NUP98: variants seen among roughly 807,000 people sequenced by gnomAD.
NUP98 encodes nuclear pore complex protein Nup98-Nup96.
Under a neutral mutation model 191.9 loss-of-function variants are expected in NUP98, and 26 were observed. The ratio of observed to expected loss-of-function variants is 0.14; its 90% CI spans 0.10 to 0.19. NUP98 has a LOEUF of 0.19. Ranked by LOEUF, NUP98 falls within the 10% of genes least tolerant of loss-of-function variation. The probability of loss-of-function intolerance (pLI) is 1.00; values close to 1 mark genes in which losing one functional copy is unlikely to be tolerated. For synonymous variants in NUP98, 808 were observed against 778.4 expected, an observed-to-expected ratio of 1.04 and a Z score of -0.63; for missense variants, 1,941 against 2,178.8, an observed-to-expected ratio of 0.89 and a Z score of 2.17.
intron 18 of NUP98, among the ~76,000 whole-genome samples, chr11:3,718,785 T>C (rs2079280414): frequency 6.6e-6 from 1 of 152,056 alleles, no homozygotes; most frequent in African/African-American, 2.4e-5. Flanking sequence ...TAAAGCAAAA[T>C]ACTATTAAAA....
intron 11 of NUP98, among the ~76,000 whole-genome samples, chr11:3,752,930 T>C (rs2080818276): frequency 6.6e-6 from 1 of 152,202 alleles, no homozygotes; most frequent in Non-Finnish European, 1.5e-5. Context: ...TACATCAGCA[T>C]GTGCTCTTAT....
At chr11:3,781,979 T>C in intron 2 of NUP98, 63 bp downstream of exon 2, 1 of 1,063,668 alleles carries the variant, frequency 9.4e-7, no homozygotes, top group Non-Finnish European at 1.4e-6. Flanking sequence ...CTTATCAGAG[T>C]GGATTTGTTC....
intron 19 of NUP98, among the ~76,000 whole-genome samples, 176 bp from the exon 20 acceptor site, chr11:3,712,904 GATGT>G (rs1462427259): frequency 6.6e-6 from 1 of 152,168 alleles, no homozygotes; most frequent in Non-Finnish European, 1.5e-5. Flanking sequence ...GAAGACGTTT[GATGT>G]ATGCTCTAGT....
At chr11:3,684,476 C>G (rs1433304541) in intron 29 of NUP98, among the ~76,000 whole-genome samples, 6 of 151,982 alleles carry the variant, frequency 3.9e-5, no homozygotes, top group Non-Finnish European at 8.8e-5. Flanking sequence ...TTTTTATATT[C>G]TTTTTCAGGA....
chr11:3,689,948 T>A (rs1285689869), intron 28 of NUP98, among the ~76,000 whole-genome samples: 1 of 145,064 alleles, frequency 6.9e-6, no homozygotes, highest in Non-Finnish European at 1.5e-5. Flanking sequence ...GCATTTTTTT[T>A]TTTTTTTTTT....
rs55821497 is a variant in NUP98, at chr11:3,720,832, C to CAAAAAAAAAAAAAAAAAAAA, written c.2147-8_2147-7insTTTTTTTTTTTTTTTTTTTT. The CAAAAAAAAAAAAAAAAAAAA allele has an allele frequency of 2.9e-5, 11 of 376,220 alleles. No homozygotes were observed. Among genetic ancestry groups the CAAAAAAAAAAAAAAAAAAAA allele is most frequent in the South Asian group, 1.8e-4 (4 of 22,216 alleles). The allele number at this position is 376,220 out of a possible 1,614,324, so 23.3% of individuals were successfully genotyped here. The stretch of plus-strand genomic sequence containing the variant: ...ACCTTAGTGAGAATAATACCTGTGA[C>CAAAAAAAAAAAAAAAAAAAA]AAAAAAAAAAAAAAAAACAGAAAAA... On this transcript the variant is annotated splice_polypyrimidine_tract_variant and splice_region_variant and intron_variant, in intron 16 of 32. Coordinates refer to ENST00000324932, the MANE Select transcript of NUP98 (RefSeq NM_016320.5).
chr11:3,789,888 G>A (rs376448156), intron 1 of NUP98, among the ~76,000 whole-genome samples: 20 of 152,112 alleles, frequency 1.3e-4, no homozygotes, highest in Non-Finnish European at 2.1e-4. Flanking sequence ...GGGTTCAAGC[G>A]ATTTCCCTGC....
chr11:3,683,174 CAGG>C lies in NUP98; in HGVS notation c.4918+23_4918+25del, dbSNP rs763058851. The C allele has an allele frequency of 5.0e-6, 8 of 1,612,922 alleles. No individual in the cohort carries two copies. In the African/African-American group the frequency reaches 9.3e-5, roughly 19 times the overall value. On this transcript the variant is annotated intron_variant, in intron 30 of 32. Coordinates refer to ENST00000324932, the MANE Select transcript of NUP98 (RefSeq NM_016320.5). ...AGGTTGGAGGAATTTGGGGTGATTC[CAGG>C]AGATGTGGAACCCAGCACTCACCAG...
chr11:3,796,676 G>A (rs1256132053), intron 1 of NUP98, among the ~76,000 whole-genome samples: 1 of 152,212 alleles, frequency 6.6e-6, no homozygotes, highest in East Asian at 1.9e-4. Context: ...GGAGGGTGAG[G>A]TAGTAGAAAA....
intron 18 of NUP98, among the ~76,000 whole-genome samples, chr11:3,714,554 G>A (rs545454370): frequency 6.6e-6 from 1 of 152,120 alleles, no homozygotes; most frequent in Non-Finnish European, 1.5e-5. Flanking sequence ...ATAGGTAGAT[G>A]CTGCTCTCCA....
At chr11:3,793,957 G>A (rs569216756) in intron 1 of NUP98, among the ~76,000 whole-genome samples, 5 of 151,862 alleles carry the variant, frequency 3.3e-5, no homozygotes, top group East Asian at 1.9e-4. Context: ...CAACAAGAGC[G>A]AAACTCTGTC....
At chr11:3,682,162 T>C (rs541514688) in intron 30 of NUP98, among the ~76,000 whole-genome samples, 1 of 152,206 alleles carries the variant, frequency 6.6e-6, no homozygotes, top group Non-Finnish European at 1.5e-5. Flanking sequence ...GGTTAGGCTT[T>C]TGCTTAAGGG....
At chr11:3,725,020 A>T (rs1303372470) in intron 15 of NUP98, 83 bp downstream of exon 15, 2 of 652,814 alleles carry the variant, frequency 3.1e-6, no homozygotes, top group African/African-American at 3.6e-5. Context: ...AAACTTCATA[A>T]ATTTTCATAA....
chr11:3,728,466 C>T (rs10834967), intron 14 of NUP98, among the ~76,000 whole-genome samples: 25,299 of 152,112 alleles, frequency 0.17, 2,382 homozygotes, highest in Non-Finnish European at 0.22. Context: ...CTGGGTGCGG[C>T]GGCTCACGCC....
At chr11:3,738,187 TTGTGTTAAC>T (rs1291999419) in intron 12 of NUP98, among the ~76,000 whole-genome samples, 1 of 151,708 alleles carries the variant, frequency 6.6e-6, no homozygotes, top group Non-Finnish European at 1.5e-5. Flanking sequence ...AATATAAACT[TTGTGTTAAC>T]TGTAGTATTT....
At chr11:3,745,916 C>A (rs1402311564) in intron 11 of NUP98, among the ~76,000 whole-genome samples, 1 of 152,118 alleles carries the variant, frequency 6.6e-6, no homozygotes, top group Non-Finnish European at 1.5e-5. Context: ...ACAACCCACA[C>A]AATATAAATC....
intron 27 of NUP98, chr11:3,692,908 ATATT>A (rs2078364835): frequency 4.8e-6 from 1 of 209,120 alleles, no homozygotes; most frequent in Non-Finnish European, 9.5e-6. Context: ...ATAAAATATT[ATATT>A]TAGAGGCAAA....
chr11:3,720,712 C>G lies in NUP98; in HGVS notation c.2260G>C (p.Gly754Arg). The G allele has an allele frequency of 6.5e-7, 1 of 1,539,232 alleles. No individual in the cohort carries two copies. Among genetic ancestry groups the G allele is most frequent in the South Asian group, 1.1e-5 (1 of 87,456 alleles). The change falls in exon 17 of 33, where the codon GGT (glycine) becomes CGT (arginine). Residue 754 changes from glycine (G) to arginine (R), a missense_variant and splice_region_variant. This residue lies in a region of NUP98 where 453 missense variants were observed against 438.2 expected (regional missense o/e 1.03). Transcript: ENST00000324932. ...CACTAAGTGCTAAACTCACACTTAC[C>G]TTTCCGACCAATAGTGAAATCAGAG... ...IVSDFTIGRK[G>R]YGSIYFEGDV...
At chr11:3,780,003 G>A (rs1245960442) in intron 2 of NUP98, among the ~76,000 whole-genome samples, 5 of 152,142 alleles carry the variant, frequency 3.3e-5, no homozygotes, top group Non-Finnish European at 5.9e-5. Context: ...CGTAGTCACT[G>A]AGATAAATGG....
Sources: gnomAD v4.1 joint callset for allele counts (sites outside exome capture counted in the v4.1 genomes callset) on GRCh38, gnomAD v4.1.1 for gene constraint, gnomAD v4.1.1 regional missense constraint, MANE v1.5 for transcripts, NCBI Gene and HGNC (gene_info 2026-07-23, HGNC 2026-07-21) for gene names.